Variants in AFF1 observed in about 807,000 individuals in gnomAD.
AFF1 encodes the protein ALF transcription elongation factor 1, also known as AF4/FMR2 family member 1.
AFF1 carries 48 observed loss-of-function variants against 121.7 expected under a neutral mutation model. The observed-to-expected ratio is 0.39, with a 90% confidence interval of 0.31 to 0.50. The LOEUF (loss-of-function observed/expected upper bound fraction) is 0.50. AFF1 is among the 20% of genes least tolerant of loss of function. The pLI is 0.76. For missense variants in AFF1, 1,523 were observed against 1,511.7 expected, an observed-to-expected ratio of 1.01 and a Z score of -0.12; for synonymous variants, 613 against 563.0, an observed-to-expected ratio of 1.09 and a Z score of -1.26.
At chr4:86,969,879 C>CAGAAAAAAAAAAAAAAAAAAAAAAAA (rs1722813915) in intron 2 of AFF1, among the ~76,000 whole-genome samples, 1 of 63,610 alleles carries the variant, frequency 1.6e-5, no homozygotes, top group African/African-American at 5.4e-5. Flanking sequence ...GACTCCGTCT[C>CAGAAAAAAAAAAAAAAAAAAAAAAAA]AAAAAAAAAA....
intron 1 of AFF1, among the ~76,000 whole-genome samples, chr4:86,936,735 C>T (rs1182050922): frequency 6.6e-6 from 1 of 152,138 alleles, no homozygotes; most frequent in Non-Finnish European, 1.5e-5. Context: ...ATGGAAAATT[C>T]TGGATGGTTT....
rs1183368749 is a variant in AFF1, at chr4:87,141,008, A to G, written c.*5307A>G. 5.6e-6 allele frequency: 1 copy of G among 178,450 alleles called. No homozygotes were observed. Among genetic ancestry groups the G allele is most frequent in the Non-Finnish European group, 1.2e-5 (1 of 82,896 alleles). The allele number at this position is 178,450 out of a possible 1,614,324, so 11.1% of individuals were successfully genotyped here. ...CATAAGAGGATCAAGCTGTAAAAAA[A>G]CAAAAAAATTAATAAAAATTTCGAG... On this transcript the variant is annotated 3_prime_UTR_variant, in exon 21 of 21. Transcript: ENST00000395146.
chr4:87,052,424 T>C (rs1344825996), intron 4 of AFF1, among the ~76,000 whole-genome samples: 1 of 150,392 alleles, frequency 6.6e-6, no homozygotes, highest in Non-Finnish European at 1.5e-5. Context: ...CGCTCCCTCC[T>C]CCCCCCACAC....
At chr4:86,993,893 G>A (rs572560630) in intron 2 of AFF1, among the ~76,000 whole-genome samples, 1 of 152,324 alleles carries the variant, frequency 6.6e-6, no homozygotes, top group Admixed American at 6.5e-5. Flanking sequence ...GAACCCAGGA[G>A]GTGGAGGTTT....
intron 2 of AFF1, among the ~76,000 whole-genome samples, chr4:87,005,595 T>C (rs1233117480): frequency 6.6e-6 from 1 of 152,196 alleles, no homozygotes; most frequent in Non-Finnish European, 1.5e-5. Context: ...TGGTAGTCCA[T>C]GAAAAAAAAG....
intron 2 of AFF1, among the ~76,000 whole-genome samples, chr4:86,957,376 A>G (rs1165741426): frequency 6.6e-6 from 1 of 152,128 alleles, no homozygotes; most frequent in Admixed American, 6.5e-5. Context: ...AAGCTGGGGA[A>G]CCATTATTTC....
At chr4:86,984,321 A>AT (rs1165178647) in intron 2 of AFF1, among the ~76,000 whole-genome samples, 6 of 132,238 alleles carry the variant, frequency 4.5e-5, no homozygotes, top group East Asian at 2.2e-4. Context: ...TCCAAGTGAC[A>AT]TTTTTTTTTC....
At chr4:87,076,144 C>A (rs369265597) in intron 4 of AFF1, among the ~76,000 whole-genome samples, 1 of 152,146 alleles carries the variant, frequency 6.6e-6, no homozygotes, top group Non-Finnish European at 1.5e-5. Context: ...TGCACTACCC[C>A]CTTCTTCTAG....
intron 2 of AFF1, among the ~76,000 whole-genome samples, chr4:87,023,670 A>T (rs1018569346): frequency 3.9e-5 from 6 of 152,236 alleles, no homozygotes; most frequent in African/African-American, 1.4e-4. Context: ...AGCAAGGAAA[A>T]TCATGTGATG....
chr4:87,127,786 C>G (rs540227831), intron 16 of AFF1, 83 bp downstream of exon 16: 1 of 1,367,400 alleles, frequency 7.3e-7, no homozygotes, highest in South Asian at 1.2e-5. Context: ...CTGCTGTATT[C>G]CATATCACTC....
chr4:86,951,114 G>GA (rs1401242001), intron 2 of AFF1, among the ~76,000 whole-genome samples: 1 of 152,152 alleles, frequency 6.6e-6, no homozygotes, highest in Non-Finnish European at 1.5e-5. Flanking sequence ...ATCTTCTCAT[G>GA]AAAAATGTAA....
intron 2 of AFF1, among the ~76,000 whole-genome samples, chr4:87,024,686 G>T (rs776084219): frequency 6.6e-6 from 1 of 152,080 alleles, no homozygotes; most frequent in Non-Finnish European, 1.5e-5. Flanking sequence ...TGCCTCCTGG[G>T]TTCAAGCAAT....
At position 86,951,967 on chromosome 4, in the gene AFF1, A is replaced by AT. The variant is rs1002107339; in HGVS notation, c.38+3402dup. On this transcript the variant is annotated intron_variant, in intron 2 of 20. Transcript: ENST00000395146. ...CAAAAAGCTAGACAATTGTTTCATC[A>AT]TTTTTTATTAAATCACCTGTCTTTT... Among the ~76,000 whole-genome samples the AT allele has an allele frequency of 5.0e-4, 71 of 141,026 alleles. 1 individual carries two copies. Among genetic ancestry groups the AT allele is most frequent in the Middle Eastern group, 7.2e-3 (2 of 278 alleles). 92.5% of individuals were successfully genotyped at this position (141,026 alleles called of 152,430 possible). A position where few individuals can be genotyped will look rare whatever the true frequency, so the allele number is the denominator to read the frequency against.
intron 2 of AFF1, among the ~76,000 whole-genome samples, chr4:86,995,364 C>A (rs868743479): frequency 7.0e-6 from 1 of 142,298 alleles, no homozygotes. Context: ...GATGCCGAGC[C>A]GAAGCTGGAC....
At chr4:87,045,021 CT>C (rs1730530315) in intron 2 of AFF1, among the ~76,000 whole-genome samples, 1 of 152,032 alleles carries the variant, frequency 6.6e-6, no homozygotes, top group Non-Finnish European at 1.5e-5. Flanking sequence ...AATCAGGTTT[CT>C]TTTCATGAGA....
chr4:86,956,837 A>G lies in AFF1; in HGVS notation c.38+8266A>G, dbSNP rs80046177. Among the ~76,000 whole-genome samples the G allele has an allele frequency of 2.4e-3, 368 of 152,310 alleles. 12 individuals carry two copies. The East Asian group carries it at 0.05, about 21-fold the overall frequency. ...ATCAGTTAATGGACATTTAGGTAGT[A>G]TCCACTTTTTTGTTTTTATGAGCAA... On this transcript the variant is annotated intron_variant, in intron 2 of 20. Transcript: ENST00000395146.
chr4:87,124,826 A>G (rs1003813534), intron 12 of AFF1, among the ~76,000 whole-genome samples: 9 of 152,168 alleles, frequency 5.9e-5, no homozygotes, highest in African/African-American at 2.2e-4. Flanking sequence ...ATCTGTCTCA[A>G]TAGAAATTAT....
chr4:87,065,443 A>G (rs1157492740), intron 4 of AFF1, among the ~76,000 whole-genome samples: 1 of 152,134 alleles, frequency 6.6e-6, no homozygotes, highest in Non-Finnish European at 1.5e-5. Context: ...TGAATTAGGA[A>G]GAAATATAAA....
At position 86,967,625 on chromosome 4, in the gene AFF1, C is replaced by T. The variant is rs556841619; in HGVS notation, c.38+19054C>T. Among the ~76,000 whole-genome samples the T allele has an allele frequency of 2.0e-5, 3 of 151,000 alleles. No homozygotes were observed. In the East Asian group the frequency reaches 5.8e-4, roughly 29 times the overall value. On this transcript the variant is annotated intron_variant, in intron 2 of 20. Coordinates refer to ENST00000395146, the MANE Select transcript of AFF1 (RefSeq NM_001166693.3). ...GTGCATGGGAGAGCTGAAGAGAATC[C>T]AGTGGGCTCTGGATGATTTTTTTTT... is the stretch of plus-strand genomic sequence containing the variant.
Sources: allele counts gnomAD v4.1 joint callset (sites outside exome capture counted in the v4.1 genomes callset), GRCh38; gene constraint gnomAD v4.1.1; transcripts MANE v1.5; gene names NCBI Gene and HGNC (gene_info 2026-07-23, HGNC 2026-07-21).